The following CFAP47 variants were observed in gnomAD, a reference collection of about 807,000 sequenced individuals.
The protein encoded by CFAP47 is cilia and flagella associated protein 47, also known as cilia- and flagella-associated protein 47.
CFAP47 carries 29 observed loss-of-function variants against 148.1 expected under a neutral mutation model. The ratio of observed to expected loss-of-function variants is 0.20; its 90% CI spans 0.15 to 0.27. The LOEUF (loss-of-function observed/expected upper bound fraction) is 0.27, where lower values mean the gene tolerates loss of function less well. Among genes scored for constraint, CFAP47 ranks in the 10% least tolerant of loss-of-function variants. CFAP47 has a pLI of 1.00. For synonymous variants in CFAP47, 664 were observed against 577.3 expected (o/e 1.15, Z -2.15); for missense variants, 1,872 against 1,697.5 (o/e 1.10, Z -1.81).
chrX:35,926,356 G>A (rs1275005145), intron 2 of CFAP47, among the ~76,000 whole-genome samples, 188 bp downstream of exon 2: 3 of 112,012 alleles, frequency 2.7e-5, no homozygotes, highest in Admixed American at 9.4e-5. Context: ...TTTAAAAAAC[G>A]ACATTCAACA....
intron 46 of CFAP47, among the ~76,000 whole-genome samples, chrX:36,234,835 A>T (rs1011201823): frequency 1.1e-4 from 12 of 111,714 alleles, no homozygotes; most frequent in African/African-American, 3.9e-4. Context: ...CTTCTAAGAG[A>T]CAGGAGCCTC....
intron 52 of CFAP47, among the ~76,000 whole-genome samples, chrX:36,300,530 C>T (rs1227039328): frequency 9.0e-6 from 1 of 111,282 alleles, no homozygotes; most frequent in African/African-American, 3.3e-5. Context: ...ACCTCGTGAT[C>T]CGCCTGCCTC....
At chrX:36,020,567 A>C (rs1937146028) in intron 22 of CFAP47, among the ~76,000 whole-genome samples, 1 of 111,068 alleles carries the variant, frequency 9.0e-6, no homozygotes, top group South Asian at 3.7e-4. Context: ...TGCTGAATTG[A>C]CTCCTTTATC....
At chrX:36,225,601 G>T (rs782439479) in intron 45 of CFAP47, among the ~76,000 whole-genome samples, 1 of 111,926 alleles carries the variant, frequency 8.9e-6, no homozygotes, top group South Asian at 3.7e-4. Flanking sequence ...ACCTAGGGAA[G>T]AGTCTTGTGA....
At chrX:36,354,515 A>G (rs1472347043) in intron 60 of CFAP47, among the ~76,000 whole-genome samples, 1 of 109,878 alleles carries the variant, frequency 9.1e-6, no homozygotes, top group Non-Finnish European at 1.9e-5. Flanking sequence ...TACTATCTCA[A>G]TTAAAAAACA....
At chrX:36,122,598 T>C (rs1389665150) in intron 33 of CFAP47, among the ~76,000 whole-genome samples, 1 of 112,008 alleles carries the variant, frequency 8.9e-6, no homozygotes, top group African/African-American at 3.2e-5. Context: ...CTTTGATGTA[T>C]TTTTTAGTAT....
chrX:36,005,049 G>A lies in CFAP47; in HGVS notation c.3417+3342G>A, dbSNP rs73468945. Among the ~76,000 whole-genome samples the A allele has an allele frequency of 3.7e-3, 401 of 109,649 alleles. 1 individual carries two copies. The highest frequency in any genetic ancestry group is 0.012 in the African/African-American group (374 of 30,296). ...TGTAAGGTAGGTAATAATTTAGTTCGTTCTTTCATTCCAGATTTTATAAAA... is the reference window on the plus strand; with the variant it reads ...TGTAAGGTAGGTAATAATTTAGTTCATTCTTTCATTCCAGATTTTATAAAA... On this transcript the variant is annotated intron_variant, in intron 21 of 63. Coordinates refer to ENST00000378653, the MANE Select transcript of CFAP47 (RefSeq NM_001304548.2).
chrX:36,160,511 T>C (rs5972026), intron 38 of CFAP47, among the ~76,000 whole-genome samples, 170 bp from the exon 39 acceptor site: 30,425 of 110,648 alleles, frequency 0.27, 5,628 homozygotes, highest in African/African-American at 0.66. Flanking sequence ...CTTTCTGAAA[T>C]TATAGAATAC....
At chrX:36,197,020 TAG>T (rs1349468639) in intron 42 of CFAP47, among the ~76,000 whole-genome samples, 2 of 111,897 alleles carry the variant, frequency 1.8e-5, no homozygotes, top group Admixed American at 1.9e-4. Flanking sequence ...CAAACTATAG[TAG>T]AGATTATGGC....
At chrX:36,129,580 G>A (rs1938907916) in intron 33 of CFAP47, among the ~76,000 whole-genome samples, 1 of 110,942 alleles carries the variant, frequency 9.0e-6, no homozygotes, top group African/African-American at 3.3e-5. Context: ...ATACCTCATT[G>A]CATTTCAGAA....
intron 33 of CFAP47, among the ~76,000 whole-genome samples, chrX:36,125,954 G>A (rs903944703): frequency 7.2e-5 from 8 of 110,462 alleles, no homozygotes; most frequent in African/African-American, 1.6e-4. Context: ...CTGTTACTAC[G>A]ATTCAACCAT....
At chrX:36,156,905 T>A (rs1341222511) in intron 37 of CFAP47, among the ~76,000 whole-genome samples, 3 of 111,538 alleles carry the variant, frequency 2.7e-5, no homozygotes, top group African/African-American at 9.7e-5. Flanking sequence ...AAGGATACTC[T>A]ATTTTGAAAT....
intron 27 of CFAP47, among the ~76,000 whole-genome samples, chrX:36,069,826 A>G (rs1446671517): frequency 8.9e-6 from 1 of 111,879 alleles, no homozygotes; most frequent in Admixed American, 9.5e-5. Flanking sequence ...TAAAGGTAAA[A>G]TCTTAAAATA....
chrX:36,361,214 A>C, intron 60 of CFAP47, 116 bp from the exon 61 acceptor site: 1 of 386,414 alleles, frequency 2.6e-6, no homozygotes, highest in Non-Finnish European at 4.6e-6. Flanking sequence ...GCTAAATAAT[A>C]TATACCCCCT....
At chrX:36,185,015 A>G (rs1409751870) in intron 40 of CFAP47, among the ~76,000 whole-genome samples, 1 of 111,670 alleles carries the variant, frequency 9.0e-6, no homozygotes, top group Non-Finnish European at 1.9e-5. Flanking sequence ...ATAATTAGGA[A>G]CAATTAGAAT....
intron 62 of CFAP47, chrX:36,374,744 A>G (rs1435045630): frequency 2.1e-5 from 10 of 478,646 alleles, no homozygotes; most frequent in African/African-American, 2.4e-5. Flanking sequence ...TTGTCTCAAT[A>G]TATTTTTTTT....
chrX:35,952,447 C>T (rs1341652576), intron 6 of CFAP47, among the ~76,000 whole-genome samples: 1 of 111,940 alleles, frequency 8.9e-6, no homozygotes, highest in African/African-American at 3.3e-5. Flanking sequence ...AGCACTTAAG[C>T]CAGTGTACAT....
intron 22 of CFAP47, among the ~76,000 whole-genome samples, chrX:36,028,314 T>C (rs774753893): frequency 8.1e-5 from 9 of 111,435 alleles, no homozygotes; most frequent in Non-Finnish European, 1.3e-4. Context: ...TAATCCATTT[T>C]TAATTAATTT....
At chrX:36,171,067 A>T (rs866385689) in intron 39 of CFAP47, among the ~76,000 whole-genome samples, 33 of 110,720 alleles carry the variant, frequency 3.0e-4, no homozygotes, top group Middle Eastern at 4.6e-3. Flanking sequence ...GCATTTTTTC[A>T]TGTGTTTTTT....
Sources: allele counts gnomAD v4.1 joint callset (sites outside exome capture counted in the v4.1 genomes callset), GRCh38; gene constraint gnomAD v4.1.1; transcripts MANE v1.5; gene names NCBI Gene and HGNC (gene_info 2026-07-23, HGNC 2026-07-21).